Variants in KCNQ3 observed in about 807,000 individuals in gnomAD.
The protein encoded by KCNQ3 is potassium voltage-gated channel subfamily KQT member 3.
In KCNQ3, 30 loss-of-function variants were observed where a neutral mutation model predicts 92.5. The ratio of observed to expected loss-of-function variants is 0.32; its 90% CI spans 0.24 to 0.44. KCNQ3 has a LOEUF of 0.44. KCNQ3 is among the 20% of genes least tolerant of loss of function. KCNQ3 has a pLI of 1.00. For missense variants in KCNQ3, 913 were observed against 1,140.3 expected, an observed-to-expected ratio of 0.80 and a Z score of 2.87; for synonymous variants, 450 against 468.8, an observed-to-expected ratio of 0.96 and a Z score of 0.52.
intron 1 of KCNQ3, among the ~76,000 whole-genome samples, chr8:132,206,576 T>C (rs879538876): frequency 3.9e-5 from 6 of 152,226 alleles, no homozygotes; most frequent in African/African-American, 1.2e-4. Flanking sequence ...ACATTTTATA[T>C]TATTAAAGCA....
intron 1 of KCNQ3, among the ~76,000 whole-genome samples, chr8:132,294,288 A>T (rs1471783594): frequency 6.6e-6 from 1 of 152,148 alleles, no homozygotes; most frequent in Non-Finnish European, 1.5e-5. Flanking sequence ...GGCGTGAGCC[A>T]CCGTACCTGG....
chr8:132,154,193 GTTTTTTTTTTTTTT>G (rs869112851), intron 9 of KCNQ3, among the ~76,000 whole-genome samples: 12 of 27,492 alleles, frequency 4.4e-4, no homozygotes, highest in Middle Eastern at 0.019. Context: ...AAGGGTAAAA[GTTTTTTTTTTTTTT>G]TTTTTTTTTT....
intron 7 of KCNQ3, 88 bp from the exon 8 acceptor site, chr8:132,170,516 C>T (rs188107212): frequency 7.8e-5 from 65 of 831,082 alleles, no homozygotes; most frequent in Non-Finnish European, 1.3e-4. Flanking sequence ...AATGTTTAAG[C>T]CCTGGACTCC....
At chr8:132,244,036 C>T (rs947042554) in intron 1 of KCNQ3, among the ~76,000 whole-genome samples, 1 of 152,234 alleles carries the variant, frequency 6.6e-6, no homozygotes, top group South Asian at 2.1e-4. Flanking sequence ...TCCTAGATGT[C>T]ATTGTGCAGA....
intron 1 of KCNQ3, among the ~76,000 whole-genome samples, chr8:132,282,948 G>A (rs981246086): frequency 6.6e-6 from 1 of 152,190 alleles, no homozygotes; most frequent in African/African-American, 2.4e-5. Flanking sequence ...AGAGAGTGAA[G>A]GAAGGAGCTC....
rs776993110 is a variant in KCNQ3 at position 132,480,601 on chromosome 8, C to T, written c.-69G>A. The T allele has an allele frequency of 3.3e-6, 4 of 1,219,822 alleles. No individual in the cohort carries two copies. Among genetic ancestry groups the T allele is most frequent in the Admixed American group, 2.6e-5 (1 of 38,330 alleles). The allele number at this position is 1,219,822 out of a possible 1,614,324, so 75.6% of individuals were successfully genotyped here. ...CTGGGAAGAAGGGGCGCTCGGGGTG[C>T]GTGAACGAGGCGGCGGCGGCGGCTG... On this transcript the variant is annotated 5_prime_UTR_variant, in exon 1 of 15. Transcript: ENST00000388996.
At chr8:132,209,990 T>G (rs1309240829) in intron 1 of KCNQ3, among the ~76,000 whole-genome samples, 1 of 152,198 alleles carries the variant, frequency 6.6e-6, no homozygotes, top group East Asian at 1.9e-4. Context: ...CTAGAAAATT[T>G]TATTTTAACA....
At chr8:132,437,602 C>A (rs1204593465) in intron 1 of KCNQ3, among the ~76,000 whole-genome samples, 1 of 152,186 alleles carries the variant, frequency 6.6e-6, no homozygotes, top group African/African-American at 2.4e-5. Flanking sequence ...TTGGTGAAAC[C>A]ATTTATTCTT....
At chr8:132,260,053 T>C (rs1025818880) in intron 1 of KCNQ3, among the ~76,000 whole-genome samples, 2 of 152,198 alleles carry the variant, frequency 1.3e-5, no homozygotes, top group Admixed American at 6.5e-5. Context: ...AGATTTAGCA[T>C]TGTTAAGATG....
chr8:132,260,509 A>C (rs908270502), intron 1 of KCNQ3, among the ~76,000 whole-genome samples: 1 of 152,194 alleles, frequency 6.6e-6, no homozygotes, highest in Non-Finnish European at 1.5e-5. Flanking sequence ...TATTGGGATA[A>C]GTTCTGTAGA....
At chr8:132,151,738 A>G (rs1448749764) in intron 9 of KCNQ3, among the ~76,000 whole-genome samples, 1 of 152,226 alleles carries the variant, frequency 6.6e-6, no homozygotes, top group Non-Finnish European at 1.5e-5. Flanking sequence ...GCTTGCCCAA[A>G]TCAAACTTCA....
intron 8 of KCNQ3, among the ~76,000 whole-genome samples, chr8:132,164,616 C>T (rs1415662054): frequency 6.6e-6 from 1 of 152,046 alleles, no homozygotes; most frequent in Non-Finnish European, 1.5e-5. Context: ...TAGTTGATCA[C>T]AAAGCAGGTG....
chr8:132,437,643 C>T (rs114841346), intron 1 of KCNQ3, among the ~76,000 whole-genome samples: 2,709 of 152,352 alleles, frequency 0.018, 75 homozygotes, highest in African/African-American at 0.061. Flanking sequence ...CCTCTATACA[C>T]TCTAATTCCT....
chr8:132,159,068 C>T (rs925427689), intron 9 of KCNQ3, among the ~76,000 whole-genome samples: 1 of 152,160 alleles, frequency 6.6e-6, no homozygotes, highest in Non-Finnish European at 1.5e-5. Flanking sequence ...TTAAAAAATG[C>T]TAGTTTCTAT....
At chr8:132,186,261 C>T (rs1826953155) in intron 1 of KCNQ3, 80 bp from the exon 2 acceptor site, 1 of 1,010,536 alleles carries the variant, frequency 9.9e-7, no homozygotes, top group Non-Finnish European at 1.6e-6. Flanking sequence ...AAGGTGTCTT[C>T]CAGGATGAAG....
chr8:132,301,617 G>T (rs1473643270), intron 1 of KCNQ3, among the ~76,000 whole-genome samples: 1 of 152,166 alleles, frequency 6.6e-6, no homozygotes, highest in Non-Finnish European at 1.5e-5. Flanking sequence ...CTGAACCAAG[G>T]TCTTGCTGGG....
At chr8:132,383,451 A>G (rs1193310485) in intron 1 of KCNQ3, among the ~76,000 whole-genome samples, 1 of 152,164 alleles carries the variant, frequency 6.6e-6, no homozygotes, top group Non-Finnish European at 1.5e-5. Context: ...GGTCAGAGAA[A>G]GCCTCAGGCT....
chr8:132,322,659 CA>C (rs1817926625), intron 1 of KCNQ3, among the ~76,000 whole-genome samples: 1 of 152,204 alleles, frequency 6.6e-6, no homozygotes, highest in South Asian at 2.1e-4. Flanking sequence ...GGCTTTCAGA[CA>C]GGCGAAACTG....
chr8:132,451,124 T>TA (rs1821809553), intron 1 of KCNQ3, among the ~76,000 whole-genome samples: 1 of 152,118 alleles, frequency 6.6e-6, no homozygotes, highest in African/African-American at 2.4e-5. Flanking sequence ...TGGGGGTGGG[T>TA]TTATCTTGTG....
Sources: allele counts gnomAD v4.1 joint callset (sites outside exome capture counted in the v4.1 genomes callset), GRCh38; gene constraint gnomAD v4.1.1; transcripts MANE v1.5; gene names NCBI Gene and HGNC (gene_info 2026-07-23, HGNC 2026-07-21).